DIPK1C: variants seen among roughly 807,000 people sequenced by gnomAD.
DIPK1C encodes familial non-conventional Alzheimer's dementia.
In DIPK1C, 33 loss-of-function variants were observed where a neutral mutation model predicts 28.0. The observed-to-expected ratio is 1.18, with a 90% CI of 0.89 to 1.58. The LOEUF is 1.58. Among genes scored for constraint, DIPK1C ranks in the 40% most tolerant of loss-of-function variants. The probability of loss-of-function intolerance (pLI) is 0.00; values close to 1 mark genes in which losing one functional copy is unlikely to be tolerated. For synonymous variants in DIPK1C, 255 were observed against 248.8 expected (o/e 1.02, Z -0.23); for missense variants, 569 against 568.5 (o/e 1.00, Z -0.01).
chr18:74,449,212 A>G (rs1270354285), intron 1 of DIPK1C, among the ~76,000 whole-genome samples: 1 of 152,182 alleles, frequency 6.6e-6, no homozygotes, highest in African/African-American at 2.4e-5. Context: ...ACACGAGCCT[A>G]TTTGTATCTA....
chr18:74,436,917 C>T (rs531513989), intron 3 of DIPK1C, among the ~76,000 whole-genome samples, 198 bp from the exon 4 acceptor site: 1 of 150,596 alleles, frequency 6.6e-6, no homozygotes, highest in East Asian at 2.0e-4. Context: ...GCACCATGAA[C>T]AAAAGACGCC....
intron 1 of DIPK1C, among the ~76,000 whole-genome samples, chr18:74,451,233 C>T (rs1420493040): frequency 6.6e-6 from 1 of 152,156 alleles, no homozygotes; most frequent in East Asian, 1.9e-4. Flanking sequence ...CAGAAACAGC[C>T]CCTGGGAGGA....
Position 74,447,451 on chromosome 18 carries a change from G to A in DIPK1C, c.199-168C>T, listed in dbSNP as rs1986299908. 6.6e-6 allele frequency among the ~76,000 whole-genome samples: 1 copy of A among 152,222 alleles called. No homozygotes were observed. Among genetic ancestry groups the A allele is most frequent in the East Asian group, 1.9e-4 (1 of 5,188 alleles). On this transcript the variant is annotated intron_variant, in intron 1 of 3. Coordinates refer to ENST00000343998, the MANE Select transcript of DIPK1C (RefSeq NM_001044369.3). This position sits in a 1 kb window ranked among gnomAD's most constrained non-coding sequence, Gnocchi z 4.1. ...ATCTCAGAGGCCACTCAGCCAGTGAGTAATTCAGAGGAAGGTTAAAGGAGC... is the reference window on the plus strand; with the variant it reads ...ATCTCAGAGGCCACTCAGCCAGTGAATAATTCAGAGGAAGGTTAAAGGAGC...
chr18:74,437,122 G>A (rs1174567720), intron 3 of DIPK1C, among the ~76,000 whole-genome samples: 1 of 152,200 alleles, frequency 6.6e-6, no homozygotes, highest in East Asian at 1.9e-4. Flanking sequence ...CGGCTTTGCT[G>A]TTACCACCTG....
the DIPK1C span, among the ~76,000 whole-genome samples, chr18:74,463,773 G>A: frequency 5.9e-5 from 9 of 152,200 alleles, no homozygotes; most frequent in Non-Finnish European, 8.8e-5. Context: ...CAAATAACGT[G>A]CAACTCTTGC....
At chr18:74,443,089 C>T (rs1568262639) in intron 2 of DIPK1C, among the ~76,000 whole-genome samples, 1 of 152,120 alleles carries the variant, frequency 6.6e-6, no homozygotes, top group Non-Finnish European at 1.5e-5. Context: ...ACGCAGAGGC[C>T]CTGAACAGGA....
intron 2 of DIPK1C, among the ~76,000 whole-genome samples, chr18:74,443,095 C>T (rs925609090): frequency 6.6e-6 from 1 of 152,188 alleles, no homozygotes; most frequent in Non-Finnish European, 1.5e-5. Context: ...AGGCCCTGAA[C>T]AGGAGCGACG....
In DIPK1C at chr18:74,436,339, G is replaced by T; in HGVS notation, c.*162C>A. 1.4e-6 allele frequency: 1 copy of T among 690,490 alleles called. No homozygotes were observed. The highest frequency in any genetic ancestry group is 3.0e-5 in the Admixed American group (1 of 33,176). The allele number at this position is 690,490 out of a possible 1,614,324, so 42.8% of individuals were successfully genotyped here. A position where few individuals can be genotyped will look rare whatever the true frequency, so the allele number is the denominator to read the frequency against. ...AGAGGCCAGGGTGGGACGAGAGCGA[G>T]GGAGCACTGTCTCTGGCAGCAGCAC... On this transcript the variant is annotated 3_prime_UTR_variant, in exon 4 of 4. Coordinates refer to ENST00000343998, the MANE Select transcript of DIPK1C (RefSeq NM_001044369.3).
At chr18:74,453,420 G>A (rs139713813) in intron 1 of DIPK1C, among the ~76,000 whole-genome samples, 9 of 152,300 alleles carry the variant, frequency 5.9e-5, no homozygotes, top group East Asian at 1.9e-4. Context: ...GAATGTGGCC[G>A]AGCATTCAGG....
chr18:74,455,737 A>AAAAAAAAG (rs1555699590), intron 1 of DIPK1C, among the ~76,000 whole-genome samples: 1 of 126,284 alleles, frequency 7.9e-6, no homozygotes, highest in Non-Finnish European at 1.7e-5. Context: ...AAAAAAAAAG[A>AAAAAAAAG]AAAAGAAAAA....
chr18:74,458,611 G>GGTGTCACTCAATCAACAGCAGGGTTTGA (rs1239766018), upstream of DIPK1C, among the ~76,000 whole-genome samples: 5 of 152,022 alleles, frequency 3.3e-5, 1 homozygote, highest in Non-Finnish European at 7.4e-5. Context: ...TTGGGGTTTG[G>GGTGTCACTCAATCAACAGCAGGGTTTGA]GTGTCACTCA....
rs1985983133 is a variant in DIPK1C, at chr18:74,436,094, C to G, written c.*407G>C. 1 of 216,606 alleles carries G rather than the reference C, an allele frequency of 4.6e-6. No homozygotes were observed. Among genetic ancestry groups the G allele is most frequent in the Non-Finnish European group, 9.3e-6 (1 of 107,600 alleles). The allele number at this position is 216,606 out of a possible 1,614,324, so 13.4% of individuals were successfully genotyped here. A position where few individuals can be genotyped will look rare whatever the true frequency, so the allele number is the denominator to read the frequency against. ...ACATGCTCACATGCTCATTTGCACC[C>G]AGACACAGGCATACACATCATTTGT... On this transcript the variant is annotated 3_prime_UTR_variant, in exon 4 of 4. Coordinates refer to ENST00000343998, the MANE Select transcript of DIPK1C (RefSeq NM_001044369.3).
At chr18:74,464,005 C>T in the DIPK1C span, among the ~76,000 whole-genome samples, 1 of 152,174 alleles carries the variant, frequency 6.6e-6, no homozygotes, top group Non-Finnish European at 1.5e-5. Context: ...GTTAGATTCC[C>T]CTTACCAAAG....
chr18:74,445,871 A>T (rs911697121), intron 2 of DIPK1C, among the ~76,000 whole-genome samples: 6 of 152,204 alleles, frequency 3.9e-5, no homozygotes, highest in Non-Finnish European at 7.3e-5. Context: ...CACTGGGATG[A>T]TCGCAGCAGC....
intron 2 of DIPK1C, among the ~76,000 whole-genome samples, chr18:74,442,815 C>T (rs1170405740): frequency 6.6e-6 from 1 of 152,212 alleles, no homozygotes; most frequent in Non-Finnish European, 1.5e-5. Flanking sequence ...TGAATTTCCC[C>T]TCTACTGCCT....
chr18:74,450,780 C>T (rs143787013), intron 1 of DIPK1C, among the ~76,000 whole-genome samples: 324 of 152,334 alleles, frequency 2.1e-3, no homozygotes, highest in African/African-American at 7.2e-3. Context: ...TGCCAGGTTC[C>T]GGAGTTCACG....
chr18:74,443,534 G>A (rs1171093720), intron 2 of DIPK1C, among the ~76,000 whole-genome samples: 5 of 152,218 alleles, frequency 3.3e-5, no homozygotes, highest in African/African-American at 7.2e-5. Flanking sequence ...ATTGATGCTA[G>A]AAGGCAATGA....
intron 3 of DIPK1C, among the ~76,000 whole-genome samples, chr18:74,439,577 A>C (rs1379829931): frequency 2.0e-5 from 3 of 152,206 alleles, no homozygotes; most frequent in Non-Finnish European, 2.9e-5. Flanking sequence ...GAATTTTGGG[A>C]GGCCAAGATG....
At chr18:74,439,843 A>C (rs76591928) in intron 3 of DIPK1C, among the ~76,000 whole-genome samples, 1,745 of 152,288 alleles carry the variant, frequency 0.011, 42 homozygotes, top group African/African-American at 0.039. Context: ...ACAGAAATAA[A>C]AAGTAAAAAA....
Sources: gnomAD v4.1 joint callset for allele counts (sites outside exome capture counted in the v4.1 genomes callset) on GRCh38, gnomAD v4.1.1 for gene constraint, Gnocchi (gnomAD v3.1) non-coding constraint, MANE v1.5 for transcripts, NCBI Gene and HGNC (gene_info 2026-07-23, HGNC 2026-07-21) for gene names.